AGBL4: variants seen among roughly 807,000 people sequenced by gnomAD.
AGBL4 encodes the protein cytosolic carboxypeptidase 6.
Under a neutral mutation model 66.4 loss-of-function variants are expected in AGBL4, and 58 were observed. The observed-to-expected ratio is 0.87, with a 90% CI of 0.71 to 1.09. AGBL4 has a LOEUF of 1.09. Ranked by LOEUF, AGBL4 falls within the 50% of genes least tolerant of loss-of-function variation. The pLI, the probability that AGBL4 is intolerant of heterozygous loss-of-function variation, is 0.00. For missense variants in AGBL4, 579 were observed against 631.0 expected (o/e 0.92, Z 0.88); for synonymous variants, 234 against 222.9 (o/e 1.05, Z -0.44).
rs576486826 is a variant in AGBL4 at position 49,523,996 on chromosome 1, A to AG, written c.282+173316dup. ...TCATCATCATCATCATCATGAAGAC[A>AG]GCACTAACAATTTCTTGAGTGCTTG... is the stretch of plus-strand genomic sequence containing the variant. On this transcript the variant is annotated intron_variant, in intron 3 of 13. Coordinates refer to ENST00000371839, the MANE Select transcript of AGBL4 (RefSeq NM_032785.4). 3.4e-4 allele frequency among the ~76,000 whole-genome samples: 51 copies of AG among 151,824 alleles called. 1 individual carries two copies. The South Asian group carries it at 9.7e-3, about 29-fold the overall frequency.
intron 3 of AGBL4, among the ~76,000 whole-genome samples, chr1:49,647,657 C>T (rs1160635309): frequency 5.9e-5 from 9 of 152,072 alleles, no homozygotes; most frequent in African/African-American, 2.2e-4. Flanking sequence ...CCAGATCATT[C>T]TCTTCTACTT....
At chr1:49,854,791 C>T (rs568539136) in intron 1 of AGBL4, among the ~76,000 whole-genome samples, 3 of 152,198 alleles carry the variant, frequency 2.0e-5, no homozygotes, top group African/African-American at 4.8e-5. Context: ...GGGAGGCTAC[C>T]CACAGGACAA....
chr1:49,667,599 GAAAGGTCCAAGAATAAACTTTT>G (rs1646395848), intron 3 of AGBL4, among the ~76,000 whole-genome samples: 1 of 152,066 alleles, frequency 6.6e-6, no homozygotes. Flanking sequence ...TACTACTCAG[GAAAGGTCCAAGAATAAACTTTT>G]AAATATCTGC....
chr1:49,958,727 A>G (rs574965582), intron 1 of AGBL4, among the ~76,000 whole-genome samples: 95 of 151,726 alleles, frequency 6.3e-4, no homozygotes, highest in African/African-American at 2.2e-3. Context: ...TAGCATTAGG[A>G]GATATACCTA....
At chr1:48,897,768 T>C (rs958370415) in intron 5 of AGBL4, among the ~76,000 whole-genome samples, 2 of 152,100 alleles carry the variant, frequency 1.3e-5, no homozygotes, top group African/African-American at 4.8e-5. Flanking sequence ...CATTTTTATG[T>C]CTTCCTTTAA....
chr1:49,842,892 G>A (rs149796030), intron 2 of AGBL4, among the ~76,000 whole-genome samples: 40 of 152,272 alleles, frequency 2.6e-4, no homozygotes, highest in African/African-American at 8.4e-4. Context: ...GTCAGTTCTC[G>A]CATAGTAAAA....
chr1:49,542,398 G>A (rs1479769334), intron 3 of AGBL4, among the ~76,000 whole-genome samples: 1 of 152,098 alleles, frequency 6.6e-6, no homozygotes, highest in South Asian at 2.1e-4. Flanking sequence ...GCGAGACCAC[G>A]AACTCACCAG....
At chr1:49,374,838 T>C (rs1227970794) in intron 3 of AGBL4, among the ~76,000 whole-genome samples, 1 of 152,132 alleles carries the variant, frequency 6.6e-6, no homozygotes, top group African/African-American at 2.4e-5. Context: ...GTCAGAATGG[T>C]CTTTCTAAAT....
intron 4 of AGBL4, among the ~76,000 whole-genome samples, chr1:49,085,692 T>C (rs541679493): frequency 1.3e-5 from 2 of 151,964 alleles, no homozygotes; most frequent in African/African-American, 2.4e-5. Context: ...CTGGGCTCAG[T>C]GCTGAGGCAG....
chr1:49,328,135 C>T (rs1281509023), intron 3 of AGBL4, among the ~76,000 whole-genome samples: 2 of 152,158 alleles, frequency 1.3e-5, no homozygotes, highest in African/African-American at 4.8e-5. Context: ...TGGGAATCTG[C>T]AGTCCCCTGA....
intron 1 of AGBL4, among the ~76,000 whole-genome samples, chr1:49,981,990 G>T (rs1659094890): frequency 6.6e-6 from 1 of 152,208 alleles, no homozygotes; most frequent in South Asian, 2.1e-4. Flanking sequence ...CGTAACTCTT[G>T]ATGTCAAAGA....
At chr1:49,492,958 G>C (rs1647231707) in intron 3 of AGBL4, among the ~76,000 whole-genome samples, 1 of 151,924 alleles carries the variant, frequency 6.6e-6, no homozygotes, top group Admixed American at 6.6e-5. Context: ...ATGGTGGAAG[G>C]GGAAGCAAAC....
At chr1:49,110,624 G>A (rs1026977083) in intron 4 of AGBL4, among the ~76,000 whole-genome samples, 2 of 152,118 alleles carry the variant, frequency 1.3e-5, no homozygotes, top group Admixed American at 1.3e-4. Context: ...CCTCTCACTT[G>A]CTCAAGGACT....
chr1:49,509,061 T>C (rs1390397765), intron 3 of AGBL4, among the ~76,000 whole-genome samples: 1 of 151,796 alleles, frequency 6.6e-6, no homozygotes, highest in Admixed American at 6.6e-5. Context: ...ATACCTGAAG[T>C]GTGGCATACC....
intron 3 of AGBL4, among the ~76,000 whole-genome samples, chr1:49,587,323 A>G (rs773511642): frequency 5.3e-5 from 8 of 151,872 alleles, no homozygotes; most frequent in Non-Finnish European, 8.8e-5. Flanking sequence ...GAGAAGAGAA[A>G]AGAAAAAAGA....
chr1:49,463,459 A>T lies in AGBL4; in HGVS notation c.283-217595T>A, dbSNP rs185182563. Reference sequence around the variant, plus strand: ...GCACTGCTCACTCTCTTTCAAAGAAAATTTAGGGACCCAGCAGCTTACTGC... The same window carrying T: ...GCACTGCTCACTCTCTTTCAAAGAATATTTAGGGACCCAGCAGCTTACTGC... On this transcript the variant is annotated intron_variant, in intron 3 of 13. Transcript: ENST00000371839. Among the ~76,000 whole-genome samples, 75 of 151,850 alleles carry T rather than the reference A, an allele frequency of 4.9e-4. No individual in the cohort carries two copies. In the East Asian group the frequency reaches 0.014, roughly 29 times the overall value.
chr1:49,723,715 T>C (rs1278932290), intron 2 of AGBL4, among the ~76,000 whole-genome samples: 1 of 152,124 alleles, frequency 6.6e-6, no homozygotes, highest in African/African-American at 2.4e-5. Flanking sequence ...TTATTATTTA[T>C]AATATCCATC....
chr1:49,648,407 G>C (rs946879088), intron 3 of AGBL4, among the ~76,000 whole-genome samples: 6 of 150,444 alleles, frequency 4.0e-5, no homozygotes, highest in African/African-American at 1.5e-4. Flanking sequence ...ACACATAAAG[G>C]GAATACTAGA....
intron 3 of AGBL4, among the ~76,000 whole-genome samples, chr1:49,260,804 TTGA>T (rs1209059220): frequency 2.0e-5 from 3 of 152,034 alleles, no homozygotes; most frequent in Non-Finnish European, 4.4e-5. Flanking sequence ...CCTAACTCAT[TTGA>T]TGAGGCCAGC....
Sources: gnomAD v4.1 joint callset for allele counts (sites outside exome capture counted in the v4.1 genomes callset) on GRCh38, gnomAD v4.1.1 for gene constraint, MANE v1.5 for transcripts, NCBI Gene and HGNC (gene_info 2026-07-23, HGNC 2026-07-21) for gene names.